The following KSR2 variants were observed in gnomAD, a reference collection of about 807,000 sequenced individuals.
The protein encoded by KSR2 is kinase suppressor of ras 2.
Under a neutral mutation model 107.8 loss-of-function variants are expected in KSR2, and 25 were observed. The ratio of observed to expected loss-of-function variants is 0.23; its 90% CI spans 0.17 to 0.32. The LOEUF (loss-of-function observed/expected upper bound fraction) is 0.32, where lower values mean the gene tolerates loss of function less well. Ranked by LOEUF, KSR2 falls within the 10% of genes least tolerant of loss-of-function variation. The pLI, the probability that KSR2 is intolerant of heterozygous loss-of-function variation, is 1.00. For missense variants in KSR2, 887 were observed against 1,268.9 expected, an observed-to-expected ratio of 0.70 and a Z score of 4.57; for synonymous variants, 480 against 507.0, an observed-to-expected ratio of 0.95 and a Z score of 0.71.
intron 7 of KSR2, among the ~76,000 whole-genome samples, chr12:117,566,294 A>AT (rs1168633794): frequency 2.6e-5 from 4 of 151,884 alleles, no homozygotes; most frequent in Admixed American, 6.6e-5. Context: ...TAATTTTGGT[A>AT]TTTTTTGTAG....
At chr12:117,903,328 T>A (rs2137401282) in intron 1 of KSR2, among the ~76,000 whole-genome samples, 1 of 152,328 alleles carries the variant, frequency 6.6e-6, no homozygotes, top group South Asian at 2.1e-4. Context: ...GATTTGCATA[T>A]AACAGTATAG....
chr12:117,871,982 TA>T (rs1459349484), intron 1 of KSR2, among the ~76,000 whole-genome samples: 21 of 152,330 alleles, frequency 1.4e-4, no homozygotes, highest in South Asian at 4.1e-4. Flanking sequence ...CTGAATTACC[TA>T]TATGATAGTA....
At chr12:117,867,998 T>A (rs142397977) in intron 1 of KSR2, among the ~76,000 whole-genome samples, 1 of 152,356 alleles carries the variant, frequency 6.6e-6, no homozygotes, top group African/African-American at 2.4e-5. Flanking sequence ...TCTTGGGACT[T>A]TATTTATACA....
chr12:117,512,156 T>C (rs964612756), intron 14 of KSR2, among the ~76,000 whole-genome samples: 14 of 152,224 alleles, frequency 9.2e-5, no homozygotes, highest in African/African-American at 3.4e-4. Context: ...CATGCAGTGG[T>C]AAAACCACAG....
At chr12:117,782,369 T>C (rs547729431) in intron 3 of KSR2, among the ~76,000 whole-genome samples, 1 of 152,162 alleles carries the variant, frequency 6.6e-6, no homozygotes, top group Non-Finnish European at 1.5e-5. Flanking sequence ...GCTCAACCGA[T>C]CCTCCCACCT....
chr12:117,773,531 A>G (rs1889580776), intron 3 of KSR2, among the ~76,000 whole-genome samples: 1 of 152,166 alleles, frequency 6.6e-6, no homozygotes, highest in South Asian at 2.1e-4. Context: ...CAGCATTGGA[A>G]TCTACACAGT....
At position 117,704,858 on chromosome 12, in the gene KSR2, C is replaced by CAA. The variant is rs35848973; in HGVS notation, c.987-37202_987-37201dup. Among the ~76,000 whole-genome samples, 551 of 129,762 alleles carry CAA rather than the reference C, an allele frequency of 4.2e-3. 2 individuals are homozygous for CAA. Among genetic ancestry groups the CAA allele is most frequent in the Middle Eastern group, 0.017 (4 of 242 alleles). The allele number at this position is 129,762 out of a possible 152,430, so 85.1% of individuals were successfully genotyped here. ...TGGGTGACAGAGTGAGACTTCATCT[C>CAA]AAAAAAAAAAAAAAGTACACAATGA... On this transcript the variant is annotated intron_variant, in intron 4 of 19. Transcript: ENST00000339824.
chr12:117,778,749 C>G (rs1889780955), intron 3 of KSR2, among the ~76,000 whole-genome samples: 1 of 152,164 alleles, frequency 6.6e-6, no homozygotes, highest in Admixed American at 6.5e-5. Context: ...CCCACGCATG[C>G]TTGCACAAGA....
intron 4 of KSR2, among the ~76,000 whole-genome samples, chr12:117,749,102 T>C (rs1888519554): frequency 7.4e-6 from 1 of 135,738 alleles, no homozygotes; most frequent in Admixed American, 7.6e-5. Context: ...TGCACTCAGA[T>C]TGAACATGCT....
intron 4 of KSR2, among the ~76,000 whole-genome samples, chr12:117,686,578 A>G (rs536509132): frequency 2.0e-5 from 3 of 152,078 alleles, no homozygotes; most frequent in Non-Finnish European, 4.4e-5. Flanking sequence ...AAAAAAGCTC[A>G]TTGTCATCTG....
chr12:117,860,216 C>T (rs1893241942), intron 2 of KSR2, 75 bp downstream of exon 2: 30 of 1,504,604 alleles, frequency 2.0e-5, no homozygotes, highest in Non-Finnish European at 2.7e-5. Context: ...AGCCAGAAAC[C>T]TGCAGCTCAA....
intron 7 of KSR2, among the ~76,000 whole-genome samples, chr12:117,564,175 C>T (rs950323056): frequency 1.3e-5 from 2 of 152,150 alleles, no homozygotes; most frequent in Non-Finnish European, 1.5e-5. Context: ...CCCCCAGTAA[C>T]GTGAAAGAAG....
At chr12:117,862,097 C>T (rs986096976) in intron 1 of KSR2, among the ~76,000 whole-genome samples, 27 of 149,236 alleles carry the variant, frequency 1.8e-4, no homozygotes, top group African/African-American at 6.4e-4. Context: ...GGCCTTGTTC[C>T]GTTGCCCAGG....
chr12:117,847,587 A>G (rs1008260700), intron 3 of KSR2, among the ~76,000 whole-genome samples: 4 of 152,180 alleles, frequency 2.6e-5, no homozygotes, highest in African/African-American at 9.7e-5. Context: ...TCGACTCTGC[A>G]GCCAGAGTGT....
chr12:117,887,500 C>T (rs958452879), intron 1 of KSR2, among the ~76,000 whole-genome samples: 1 of 152,086 alleles, frequency 6.6e-6, no homozygotes, highest in Admixed American at 6.6e-5. Context: ...TCCAGCATAC[C>T]CAGGCCTGGT....
At chr12:117,820,921 T>C (rs550649917) in intron 3 of KSR2, among the ~76,000 whole-genome samples, 1 of 152,264 alleles carries the variant, frequency 6.6e-6, no homozygotes, top group South Asian at 2.1e-4. Flanking sequence ...ACTGAGTCTC[T>C]GTTTCTGAGG....
intron 5 of KSR2, among the ~76,000 whole-genome samples, chr12:117,620,323 T>C (rs1260677077): frequency 6.6e-6 from 1 of 152,148 alleles, no homozygotes; most frequent in Non-Finnish European, 1.5e-5. Flanking sequence ...GTCTGCCCCA[T>C]TGTGGATATA....
intron 1 of KSR2, among the ~76,000 whole-genome samples, chr12:117,952,168 C>CACAT (rs1372478209): frequency 6.6e-6 from 1 of 151,100 alleles, no homozygotes; most frequent in Non-Finnish European, 1.5e-5. Context: ...CACACACACA[C>CACAT]ACACACACAC....
At chr12:117,635,940 C>G (rs1029791170) in intron 5 of KSR2, among the ~76,000 whole-genome samples, 1 of 152,010 alleles carries the variant, frequency 6.6e-6, no homozygotes, top group South Asian at 2.1e-4. Context: ...TACAGGCACA[C>G]ACCACCATGC....
Sources: gnomAD v4.1 joint callset for allele counts (sites outside exome capture counted in the v4.1 genomes callset) on GRCh38, gnomAD v4.1.1 for gene constraint, MANE v1.5 for transcripts, NCBI Gene and HGNC (gene_info 2026-07-23, HGNC 2026-07-21) for gene names.